Variants in SCN2A observed in about 807,000 individuals in gnomAD.
SCN2A encodes the protein sodium voltage-gated channel alpha subunit 2.
SCN2A carries 20 observed loss-of-function variants against 188.7 expected under a neutral mutation model. The observed-to-expected ratio is 0.11, with a 90% confidence interval of 0.07 to 0.15. The LOEUF (loss-of-function observed/expected upper bound fraction) is 0.15, where lower values mean the gene tolerates loss of function less well. Among genes scored for constraint, SCN2A ranks in the 10% least tolerant of loss-of-function variants. The probability of loss-of-function intolerance (pLI) is 1.00; values close to 1 mark genes in which losing one functional copy is unlikely to be tolerated. For synonymous variants in SCN2A, 804 were observed against 833.1 expected, an observed-to-expected ratio of 0.97 and a Z score of 0.60; for missense variants, 1,278 against 2,445.0, an observed-to-expected ratio of 0.52 and a Z score of 10.07.
chr2:165,265,471 CTATATATATA>C lies in SCN2A; in HGVS notation c.-52+25867_-52+25876del, dbSNP rs1178289931. Among the ~76,000 whole-genome samples, 142 of 29,018 alleles carry C rather than the reference CTATATATATA, an allele frequency of 4.9e-3. 1 individual carries two copies. The highest frequency in any genetic ancestry group is 9.9e-3 in the East Asian group (13 of 1,316). 19.0% of individuals were successfully genotyped at this position (29,018 alleles called of 152,430 possible). ...TAGGTTATGTGTTTACTCTGTTGAT[CTATATATATA>C]TATATATATATATATATATATATAT... On this transcript the variant is annotated intron_variant, in intron 1 of 26. Transcript: ENST00000375437.
chr2:165,307,705 C>CA lies in SCN2A; in HGVS notation c.387-135dup, dbSNP rs3214603. 2.0e-3 allele frequency: 1,348 copies of CA among 667,610 alleles called. 11 individuals are homozygous for CA. The highest frequency in any genetic ancestry group is 0.02 in the African/African-American group (1,084 of 55,390). The allele number at this position is 667,610 out of a possible 1,614,324, so 41.4% of individuals were successfully genotyped here. A position where few individuals can be genotyped will look rare whatever the true frequency, so the allele number is the denominator to read the frequency against. On this transcript the variant is annotated intron_variant, in intron 3 of 26. Transcript: ENST00000375437. ...TGAGGTTGCTGAGTTATAGAAATGG[C>CA]AAAAAAAAGGGTCAATAATAGAATA...
In SCN2A at chr2:165,363,220, A is replaced by C. The variant is rs562023870; in HGVS notation, c.3400-1923A>C. On this transcript the variant is annotated intron_variant, in intron 17 of 26. Coordinates refer to ENST00000375437, the MANE Select transcript of SCN2A (RefSeq NM_001040142.2). ...AGCAAAATTTATTAAGACCTGTAAC[A>C]TACTTAGCACTGATGTAAGCTCTGA... is the stretch of plus-strand genomic sequence containing the variant. Among the ~76,000 whole-genome samples the C allele has an allele frequency of 4.6e-5, 7 of 152,202 alleles. No individual in the cohort carries two copies. In the East Asian group the frequency reaches 1.2e-3, roughly 25 times the overall value.
intron 1 of SCN2A, among the ~76,000 whole-genome samples, chr2:165,284,517 C>T (rs1419585381): frequency 6.6e-6 from 1 of 152,106 alleles, no homozygotes; most frequent in Non-Finnish European, 1.5e-5. Flanking sequence ...TCTACCTGCT[C>T]ATTCATGGGG....
chr2:165,344,514 G>A, intron 15 of SCN2A, 41 bp from the exon 16 acceptor site: 1 of 1,291,264 alleles, frequency 7.7e-7, no homozygotes, highest in Non-Finnish European at 1.0e-6. Flanking sequence ...GATTTTTTTA[G>A]AAATGCAGAG....
intron 12 of SCN2A, among the ~76,000 whole-genome samples, chr2:165,324,828 A>G (rs758905958): frequency 7.2e-5 from 11 of 152,202 alleles, no homozygotes; most frequent in Admixed American, 1.3e-4. Context: ...ATTGCCTCCC[A>G]CTGAGTTATT....
chr2:165,369,552 A>G (rs1449894674), intron 19 of SCN2A, among the ~76,000 whole-genome samples: 1 of 152,202 alleles, frequency 6.6e-6, no homozygotes, highest in Non-Finnish European at 1.5e-5. Flanking sequence ...TTAGATAAAT[A>G]GTCTTTTCAT....
intron 3 of SCN2A, among the ~76,000 whole-genome samples, chr2:165,298,867 C>T (rs111661540): frequency 0.078 from 11,800 of 151,942 alleles, 570 homozygotes; most frequent in Middle Eastern, 0.22. Context: ...TCCTAGTAGA[C>T]ATTGGGAAAA....
intron 3 of SCN2A, among the ~76,000 whole-genome samples, chr2:165,306,680 AATT>A (rs1381791556): frequency 6.6e-6 from 1 of 151,090 alleles, no homozygotes; most frequent in East Asian, 1.9e-4. Context: ...AAAAAATAAT[AATT>A]ATTATTATTG....
At chr2:165,251,936 A>C (rs1262986921) in intron 1 of SCN2A, among the ~76,000 whole-genome samples, 2 of 152,140 alleles carry the variant, frequency 1.3e-5, no homozygotes, top group African/African-American at 4.8e-5. Flanking sequence ...TATTATGACT[A>C]AATTTAAAAT....
intron 24 of SCN2A, 152 bp downstream of exon 24, chr2:165,380,881 TTAA>T (rs1701567994): frequency 5.4e-6 from 4 of 737,538 alleles, no homozygotes; most frequent in Admixed American, 2.9e-5. Flanking sequence ...TTTTAAGCAA[TTAA>T]TAATTCAGAT....
chr2:165,267,555 G>A (rs1301004034), intron 1 of SCN2A: 2 of 151,926 alleles, frequency 1.3e-5, no homozygotes, highest in South Asian at 2.1e-4. Context: ...AGAAAATATA[G>A]GGGAAAACTC....
chr2:165,365,845 G>A (rs1700698843), intron 18 of SCN2A, among the ~76,000 whole-genome samples: 1 of 152,112 alleles, frequency 6.6e-6, no homozygotes, highest in African/African-American at 2.4e-5. Flanking sequence ...GGGGCAATAT[G>A]TCACTGGAGT....
Position 165,307,795 on chromosome 2 carries a change from G to A in SCN2A, c.387-53G>A, listed in dbSNP as rs1160881013. 4.3e-6 allele frequency: 5 copies of A among 1,154,878 alleles called. No individual in the cohort carries two copies. The Admixed American group carries it at 8.4e-5, about 19-fold the overall frequency. 71.5% of individuals were successfully genotyped at this position (1,154,878 alleles called of 1,614,324 possible). Reference sequence around the variant, plus strand: ...TTCATGGTGGTGAAGGCATGGTAGTGCATAAAAGTAAGATTTTTCCATTGA... The same window carrying A: ...TTCATGGTGGTGAAGGCATGGTAGTACATAAAAGTAAGATTTTTCCATTGA... On this transcript the variant is annotated intron_variant, in intron 3 of 26. Transcript: ENST00000375437.
At chr2:165,241,326 C>T (rs1019110113) in intron 1 of SCN2A, among the ~76,000 whole-genome samples, 2 of 152,082 alleles carry the variant, frequency 1.3e-5, no homozygotes, top group Non-Finnish European at 1.5e-5. Flanking sequence ...ATGCCTTTTT[C>T]ATTATTAGGT....
intron 16 of SCN2A, among the ~76,000 whole-genome samples, chr2:165,349,565 G>T (rs1298326268): frequency 7.2e-6 from 1 of 138,652 alleles, no homozygotes; most frequent in Admixed American, 7.6e-5. Flanking sequence ...AGTACTTATG[G>T]TTGACATCAG....
intron 1 of SCN2A, chr2:165,268,425 A>T (rs901146571): frequency 7.2e-5 from 11 of 152,046 alleles, no homozygotes; most frequent in Admixed American, 2.0e-4. Context: ...AACAATTAAA[A>T]ATAAAAATCA....
At chr2:165,345,843 G>A (rs987592480) in intron 16 of SCN2A, among the ~76,000 whole-genome samples, 3 of 152,110 alleles carry the variant, frequency 2.0e-5, no homozygotes, top group African/African-American at 4.8e-5. Flanking sequence ...GCAGTGGCTG[G>A]TACTGGTTTT....
At chr2:165,349,494 T>G (rs902749157) in intron 16 of SCN2A, among the ~76,000 whole-genome samples, 1 of 152,160 alleles carries the variant, frequency 6.6e-6, no homozygotes, top group East Asian at 1.9e-4. Context: ...AATTAACATA[T>G]CTCTCTAATG....
At chr2:165,289,187 T>C (rs1314064040) in intron 1 of SCN2A, among the ~76,000 whole-genome samples, 1 of 152,036 alleles carries the variant, frequency 6.6e-6, no homozygotes, top group African/African-American at 2.4e-5. Flanking sequence ...TGGATCTTTG[T>C]AGAAAAAAAT....
Sources: allele counts gnomAD v4.1 joint callset (sites outside exome capture counted in the v4.1 genomes callset), GRCh38; gene constraint gnomAD v4.1.1; transcripts MANE v1.5; gene names NCBI Gene and HGNC (gene_info 2026-07-23, HGNC 2026-07-21).